Variants in GABRG3 observed in about 807,000 individuals in gnomAD.
GABRG3 encodes gamma-aminobutyric acid type A receptor subunit gamma3.
A neutral mutation model predicts 48.8 loss-of-function variants in GABRG3; 25 were observed. The ratio of observed to expected loss-of-function variants is 0.51; its 90% CI spans 0.37 to 0.72. GABRG3 has a LOEUF of 0.72. Ranked by LOEUF, GABRG3 falls within the 30% of genes least tolerant of loss-of-function variation. The pLI is 0.00. For synonymous variants in GABRG3, 227 were observed against 217.6 expected (o/e 1.04, Z -0.38); for missense variants, 394 against 577.9 (o/e 0.68, Z 3.26).
At chr15:27,337,762 G>A (rs990937325) in intron 5 of GABRG3, among the ~76,000 whole-genome samples, 1 of 152,028 alleles carries the variant, frequency 6.6e-6, no homozygotes, top group Admixed American at 6.6e-5. Context: ...ATCCAACTAT[G>A]AGATGTCTTG....
Position 27,115,091 on chromosome 15 carries a change from G to A in GABRG3, c.270+88270G>A, listed in dbSNP as rs367652327. Among the ~76,000 whole-genome samples the A allele has an allele frequency of 3.3e-5, 5 of 152,078 alleles. No homozygotes were observed. The South Asian group carries it at 6.2e-4, about 19-fold the overall frequency. ...TAGTTGTAAATAAAAATGAAATAAA[G>A]GGAAGTGAGCTACTTCTGTAATTTT... On this transcript the variant is annotated intron_variant, in intron 3 of 9. Transcript: ENST00000615808.
intron 3 of GABRG3, among the ~76,000 whole-genome samples, chr15:27,276,434 C>T (rs527976929): frequency 2.0e-5 from 3 of 152,268 alleles, no homozygotes; most frequent in South Asian, 4.1e-4. Context: ...ACTCAGAGTT[C>T]TGTGGTCTGG....
Position 26,976,932 on chromosome 15 carries a change from G to A in GABRG3, c.54-70G>A. 1 of 1,549,172 alleles carries A rather than the reference G, an allele frequency of 6.5e-7. No homozygotes were observed. On this transcript the variant is annotated intron_variant, in intron 1 of 9. Coordinates refer to ENST00000615808, the MANE Select transcript of GABRG3 (RefSeq NM_033223.5). The surrounding 1 kb of genome is among the most constrained non-coding windows in gnomAD (Gnocchi z 7.8). ...CTACCCATTTCATGGTACTTGGATA[G>A]GACAAACTTAGGCTCTTCCTAGAGC...
intron 5 of GABRG3, among the ~76,000 whole-genome samples, chr15:27,337,494 A>G (rs1344304122): frequency 6.6e-6 from 1 of 152,226 alleles, no homozygotes; most frequent in Non-Finnish European, 1.5e-5. Context: ...GTTTTATGAC[A>G]TCACACTTCA....
chr15:27,146,004 C>A lies in GABRG3; in HGVS notation c.270+119183C>A, dbSNP rs188354011. ...AGACTGTCACATAAGAATTCTATATCCAACAAAGTGATCCTTCAAAAATGA... is the reference window on the plus strand; with the variant it reads ...AGACTGTCACATAAGAATTCTATATACAACAAAGTGATCCTTCAAAAATGA... On this transcript the variant is annotated intron_variant, in intron 3 of 9. Coordinates refer to ENST00000615808, the MANE Select transcript of GABRG3 (RefSeq NM_033223.5). Among the ~76,000 whole-genome samples, 38 of 152,096 alleles carry A rather than the reference C, an allele frequency of 2.5e-4. 1 individual carries two copies. Among genetic ancestry groups the A allele is most frequent in the African/African-American group, 8.4e-4 (35 of 41,504 alleles).
intron 2 of GABRG3, among the ~76,000 whole-genome samples, chr15:27,019,846 T>C (rs1895855659): frequency 6.6e-6 from 1 of 152,192 alleles, no homozygotes; most frequent in Non-Finnish European, 1.5e-5. Flanking sequence ...CTTCTGAAAA[T>C]TCATGTGCTG....
chr15:27,063,119 C>T (rs1383061973), intron 3 of GABRG3, among the ~76,000 whole-genome samples: 2 of 152,186 alleles, frequency 1.3e-5, no homozygotes, highest in East Asian at 3.9e-4. Context: ...TACTCCCTTG[C>T]CTAAGCCCGA....
chr15:27,071,341 G>A (rs183349485), intron 3 of GABRG3, among the ~76,000 whole-genome samples: 6 of 152,230 alleles, frequency 3.9e-5, no homozygotes, highest in East Asian at 3.9e-4. Context: ...CAGTCGCCTC[G>A]GACAGCGCTG....
chr15:27,043,102 C>T (rs570273136), intron 3 of GABRG3, among the ~76,000 whole-genome samples: 1 of 152,328 alleles, frequency 6.6e-6, no homozygotes, highest in Non-Finnish European at 1.5e-5. Context: ...CTCTTCCCCC[C>T]ACCCCATCTT....
intron 3 of GABRG3, among the ~76,000 whole-genome samples, chr15:27,170,720 G>A (rs1887540307): frequency 6.6e-6 from 1 of 152,196 alleles, no homozygotes; most frequent in Non-Finnish European, 1.5e-5. Context: ...CAGTGGAGGT[G>A]TGTTCCATGG....
chr15:27,019,226 G>C (rs1003486619), intron 2 of GABRG3, among the ~76,000 whole-genome samples: 10 of 151,706 alleles, frequency 6.6e-5, no homozygotes, highest in Admixed American at 5.9e-4. Context: ...CCGCCACCAC[G>C]CCTGGCTAAT....
chr15:27,478,866 A>G (rs1303002946), intron 5 of GABRG3, among the ~76,000 whole-genome samples: 1 of 152,220 alleles, frequency 6.6e-6, no homozygotes, highest in Non-Finnish European at 1.5e-5. Context: ...TTTTGAACAC[A>G]TTATGCTAAG....
chr15:27,159,093 G>T (rs541940009), intron 3 of GABRG3, among the ~76,000 whole-genome samples: 15 of 151,186 alleles, frequency 9.9e-5, no homozygotes, highest in Non-Finnish European at 1.9e-4. Context: ...CTTCCTCCAC[G>T]CCCTCCTCCT....
intron 3 of GABRG3, among the ~76,000 whole-genome samples, chr15:27,188,074 T>G (rs1014735335): frequency 6.6e-6 from 1 of 152,148 alleles, no homozygotes; most frequent in African/African-American, 2.4e-5. Context: ...TTTTTATGGC[T>G]GCATAGTATT....
At chr15:27,211,255 A>G (rs998075626) in intron 3 of GABRG3, among the ~76,000 whole-genome samples, 1 of 152,214 alleles carries the variant, frequency 6.6e-6, no homozygotes, top group African/African-American at 2.4e-5. Flanking sequence ...AAGCAGTGCC[A>G]TGATTTATTA....
At chr15:27,004,272 G>C (rs1311012824) in intron 2 of GABRG3, among the ~76,000 whole-genome samples, 1 of 151,712 alleles carries the variant, frequency 6.6e-6, no homozygotes, top group African/African-American at 2.4e-5. Flanking sequence ...CTTCTCAGAC[G>C]GGGCGGCCGG....
rs200118417 is a variant in GABRG3, at chr15:27,261,720, G to T, written c.271-65089G>T. On this transcript the variant is annotated intron_variant, in intron 3 of 9. Coordinates refer to ENST00000615808, the MANE Select transcript of GABRG3 (RefSeq NM_033223.5). Reference sequence around the variant, plus strand: ...TTTCTTCTTCATATAAACCTTCCCTGGCGTATTTCCATCTGTGGGAGCAAC... The same window carrying T: ...TTTCTTCTTCATATAAACCTTCCCTTGCGTATTTCCATCTGTGGGAGCAAC... Among the ~76,000 whole-genome samples, 18 of 151,906 alleles carry T rather than the reference G, an allele frequency of 1.2e-4. No homozygotes were observed. The East Asian group carries it at 3.5e-3, about 29-fold the overall frequency.
intron 5 of GABRG3, among the ~76,000 whole-genome samples, chr15:27,450,896 G>A (rs1889091235): frequency 6.6e-6 from 1 of 152,112 alleles, no homozygotes; most frequent in African/African-American, 2.4e-5. Flanking sequence ...AAAATCAGTT[G>A]CCTTTCTATA....
intron 2 of GABRG3, among the ~76,000 whole-genome samples, chr15:27,018,108 A>G (rs1182079702): frequency 2.0e-5 from 3 of 152,226 alleles, no homozygotes; most frequent in Admixed American, 6.5e-5. Flanking sequence ...AACAGAATTC[A>G]TGTTTGGAAA....
Sources: allele counts gnomAD v4.1 joint callset (sites outside exome capture counted in the v4.1 genomes callset), GRCh38; gene constraint gnomAD v4.1.1; non-coding constraint Gnocchi (gnomAD v3.1); transcripts MANE v1.5; gene names NCBI Gene and HGNC (gene_info 2026-07-23, HGNC 2026-07-21).